Variants in PPP2R2B observed in about 807,000 individuals in gnomAD.
PPP2R2B encodes protein phosphatase 2 regulatory subunit Bbeta.
Under a neutral mutation model 46.0 loss-of-function variants are expected in PPP2R2B, and 5 were observed. The ratio of observed to expected loss-of-function variants is 0.11; its 90% CI spans 0.06 to 0.23. The LOEUF (loss-of-function observed/expected upper bound fraction) is 0.23, where lower values mean the gene tolerates loss of function less well. PPP2R2B is among the 10% of genes least tolerant of loss of function. The pLI, the probability that PPP2R2B is intolerant of heterozygous loss-of-function variation, is 1.00. For synonymous variants in PPP2R2B, 215 were observed against 206.7 expected (o/e 1.04, Z -0.34); for missense variants, 367 against 575.0 (o/e 0.64, Z 3.70).
intron 2 of PPP2R2B, among the ~76,000 whole-genome samples, chr5:146,862,397 G>T (rs1761057439): frequency 6.6e-6 from 1 of 152,244 alleles, no homozygotes; most frequent in African/African-American, 2.4e-5. Context: ...TCTTGTTGGG[G>T]AGATGACGTG....
At chr5:146,667,587 C>T (rs1380059585) in intron 5 of PPP2R2B, among the ~76,000 whole-genome samples, 9 of 151,374 alleles carry the variant, frequency 5.9e-5, no homozygotes, top group African/African-American at 2.2e-4. Flanking sequence ...AAAAAAAACC[C>T]AAAAGGATTA....
intron 1 of PPP2R2B, among the ~76,000 whole-genome samples, chr5:147,024,231 C>T (rs1438793529): frequency 1.3e-5 from 2 of 151,782 alleles, no homozygotes; most frequent in Admixed American, 6.6e-5. Context: ...CTCTGGAGAA[C>T]GCTAATACAC....
At chr5:147,052,657 T>C (rs1000872988) in intron 1 of PPP2R2B, among the ~76,000 whole-genome samples, 4 of 152,036 alleles carry the variant, frequency 2.6e-5, no homozygotes, top group African/African-American at 9.7e-5. Flanking sequence ...AGAAGGCCTG[T>C]GTGTCTGGGG....
intron 1 of PPP2R2B, among the ~76,000 whole-genome samples, chr5:146,963,803 G>A (rs758083027): frequency 1.3e-4 from 20 of 152,152 alleles, no homozygotes; most frequent in Non-Finnish European, 2.9e-4. Context: ...TTCTGGCTTT[G>A]TTTAATGACA....
chr5:146,823,928 T>C (rs1207504424), intron 2 of PPP2R2B, among the ~76,000 whole-genome samples: 4 of 152,106 alleles, frequency 2.6e-5, no homozygotes, highest in Non-Finnish European at 5.9e-5. Flanking sequence ...AGTCAGCAAG[T>C]ACCATCTGAA....
intron 2 of PPP2R2B, among the ~76,000 whole-genome samples, chr5:146,755,368 G>C (rs568607906): frequency 6.6e-6 from 1 of 152,252 alleles, no homozygotes; most frequent in South Asian, 2.1e-4. Context: ...CAAGTAAAAG[G>C]GTTGCTTAGC....
intron 1 of PPP2R2B, among the ~76,000 whole-genome samples, chr5:146,999,933 T>G (rs1253902528): frequency 6.6e-6 from 1 of 152,154 alleles, no homozygotes; most frequent in East Asian, 1.9e-4. Flanking sequence ...AGAAGCTTTG[T>G]TCAAATACAG....
At chr5:147,051,080 A>G (rs1756790818) in intron 1 of PPP2R2B, among the ~76,000 whole-genome samples, 1 of 152,182 alleles carries the variant, frequency 6.6e-6, no homozygotes, top group Non-Finnish European at 1.5e-5. Context: ...CCTGTGCCCA[A>G]GTAGCTTCTG....
rs142694496 is a variant in PPP2R2B, at chr5:146,901,034, G to A, written c.79+154631C>T. ...CATTTTCTTTATCCAGTCTGTCATT[G>A]ATGGGCATTTGGGTTCATTCCATGT... On this transcript the variant is annotated intron_variant, in intron 1 of 8. Transcript: ENST00000336640. 2.6e-3 allele frequency among the ~76,000 whole-genome samples: 389 copies of A among 152,128 alleles called. 3 individuals carry two copies. The highest frequency in any genetic ancestry group is 9.0e-3 in the African/African-American group (374 of 41,476).
At chr5:146,946,965 A>C (rs1764503989) in intron 1 of PPP2R2B, among the ~76,000 whole-genome samples, 1 of 151,992 alleles carries the variant, frequency 6.6e-6, no homozygotes, top group Non-Finnish European at 1.5e-5. Context: ...AGCCAAAGTC[A>C]AGGCTCAATC....
intron 1 of PPP2R2B, among the ~76,000 whole-genome samples, chr5:146,906,050 AT>A (rs1762985521): frequency 6.6e-6 from 1 of 152,202 alleles, no homozygotes; most frequent in East Asian, 1.9e-4. Context: ...ATTTGAACCT[AT>A]TTTTTCAGCT....
intron 2 of PPP2R2B, chr5:146,707,682 A>G: frequency 1.8e-6 from 1 of 542,320 alleles, no homozygotes; most frequent in East Asian, 3.0e-5. Flanking sequence ...GGTAGAATAT[A>G]TCTTTTCTAA....
At chr5:146,828,019 G>GAGAGAC (rs1303969199) in intron 2 of PPP2R2B, among the ~76,000 whole-genome samples, 50 of 145,334 alleles carry the variant, frequency 3.4e-4, no homozygotes, top group Admixed American at 2.7e-4. Flanking sequence ...GAGAGAGAGA[G>GAGAGAC]AGAGACAGAG....
chr5:146,756,443 G>C (rs1386004935), intron 2 of PPP2R2B, among the ~76,000 whole-genome samples: 1 of 152,152 alleles, frequency 6.6e-6, no homozygotes, highest in African/African-American at 2.4e-5. Context: ...CGGCAGATGT[G>C]AGGTTTCTTC....
At chr5:147,031,079 T>C (rs1046788526) in intron 1 of PPP2R2B, among the ~76,000 whole-genome samples, 1 of 151,814 alleles carries the variant, frequency 6.6e-6, no homozygotes. Flanking sequence ...TACTAAAAAA[T>C]GCAAAAAATT....
At chr5:146,874,454 C>T (rs193096677) in intron 2 of PPP2R2B, among the ~76,000 whole-genome samples, 1 of 152,304 alleles carries the variant, frequency 6.6e-6, no homozygotes, top group Admixed American at 6.5e-5. Context: ...CCAGGAAGTA[C>T]ATTAAGTAAC....
At chr5:146,644,719 A>G (rs1413577632) in intron 6 of PPP2R2B, among the ~76,000 whole-genome samples, 1 of 152,214 alleles carries the variant, frequency 6.6e-6, no homozygotes, top group Non-Finnish European at 1.5e-5. Context: ...CTTTGCCTAT[A>G]AATGGGTGTA....
chr5:146,885,130 T>C (rs950614981), intron 1 of PPP2R2B, among the ~76,000 whole-genome samples: 1 of 152,236 alleles, frequency 6.6e-6, no homozygotes, highest in Non-Finnish European at 1.5e-5. Context: ...GAGCATCTAT[T>C]ATGTACTAGG....
intron 7 of PPP2R2B, among the ~76,000 whole-genome samples, chr5:146,615,516 A>T (rs1424278545): frequency 7.3e-5 from 8 of 109,040 alleles, no homozygotes; most frequent in African/African-American, 1.2e-4. Flanking sequence ...AAAAAAAATT[A>T]AAAAAAAAAA....
Sources: allele counts gnomAD v4.1 joint callset (sites outside exome capture counted in the v4.1 genomes callset), GRCh38; gene constraint gnomAD v4.1.1; transcripts MANE v1.5; gene names NCBI Gene and HGNC (gene_info 2026-07-23, HGNC 2026-07-21).